CFAP251: variants seen among roughly 807,000 people sequenced by gnomAD.
CFAP251 encodes cilia- and flagella-associated protein 251.
A neutral mutation model predicts 126.7 loss-of-function variants in CFAP251; 93 were observed. The observed-to-expected ratio is 0.73, with a 90% confidence interval of 0.62 to 0.87. The LOEUF is 0.87. Ranked by LOEUF, CFAP251 falls within the 40% of genes least tolerant of loss-of-function variation. CFAP251 has a pLI of 0.00. For missense variants in CFAP251, 1,287 were observed against 1,389.2 expected, an observed-to-expected ratio of 0.93 and a Z score of 1.17; for synonymous variants, 503 against 506.9, an observed-to-expected ratio of 0.99 and a Z score of 0.10.
Position 121,999,959 on chromosome 12 carries a change from C to A in CFAP251, c.3235+15C>A, listed in dbSNP as rs201040230. ...CGTTACTAAAGGTAAGCACATACATCAGGATGTCTGGTAACATCCTGGGGC... is the reference window on the plus strand; with the variant it reads ...CGTTACTAAAGGTAAGCACATACATAAGGATGTCTGGTAACATCCTGGGGC... On this transcript the variant is annotated intron_variant, in intron 20 of 21. Coordinates refer to ENST00000288912, the MANE Select transcript of CFAP251 (RefSeq NM_144668.6). 6.3e-7 allele frequency: 1 copy of A among 1,594,636 alleles called. No homozygotes were observed. Among genetic ancestry groups the A allele is most frequent in the East Asian group, 2.3e-5 (1 of 44,392 alleles).
intron 8 of CFAP251, chr12:121,949,366 A>G (rs577010809): frequency 8.4e-4 from 140 of 166,136 alleles, no homozygotes; most frequent in Non-Finnish European, 1.6e-3. Context: ...AGGTCTCACT[A>G]TGTTGCCCAG....
intron 19 of CFAP251, among the ~76,000 whole-genome samples, chr12:121,981,584 T>C (rs1158704009): frequency 6.6e-6 from 1 of 152,216 alleles, no homozygotes; most frequent in African/African-American, 2.4e-5. Flanking sequence ...CAAGGAGGCC[T>C]TTCAAACCCA....
intron 17 of CFAP251, among the ~76,000 whole-genome samples, chr12:121,968,666 C>A (rs1882233678): frequency 6.6e-6 from 1 of 152,076 alleles, no homozygotes. Context: ...ATGGGCCCAC[C>A]CTCTACTGGC....
chr12:121,926,516 T>TG (rs1407940522), intron 3 of CFAP251, among the ~76,000 whole-genome samples: 6 of 151,954 alleles, frequency 3.9e-5, no homozygotes, highest in Non-Finnish European at 8.8e-5. Flanking sequence ...TTTTTAGAGA[T>TG]GGGGTCTCAC....
At chr12:122,001,886 A>G in intron 21 of CFAP251, 1 of 427,286 alleles carries the variant, frequency 2.3e-6, no homozygotes. Context: ...CCACCCGTAG[A>G]GGATCCAGTT....
At chr12:121,965,315 C>T (rs977603574) in intron 15 of CFAP251, among the ~76,000 whole-genome samples, 3 of 152,096 alleles carry the variant, frequency 2.0e-5, no homozygotes, top group Non-Finnish European at 4.4e-5. Flanking sequence ...GCTAGGAAAA[C>T]GGGCACTCTC....
chr12:121,935,542 G>A (rs1409204745), intron 5 of CFAP251, among the ~76,000 whole-genome samples: 2 of 152,220 alleles, frequency 1.3e-5, no homozygotes, highest in African/African-American at 4.8e-5. Context: ...GACTTTCCTT[G>A]TTTTTGATGA....
chr12:121,951,142 A>T (rs565758543), intron 8 of CFAP251: 14 of 168,888 alleles, frequency 8.3e-5, no homozygotes, highest in Admixed American at 5.5e-4. Context: ...AATTGCTTGA[A>T]CCCAGGAGGC....
At position 121,975,696 on chromosome 12, in the gene CFAP251, C is replaced by T. The variant is rs543914226; in HGVS notation, c.3006+11C>T. On this transcript the variant is annotated intron_variant, in intron 19 of 21. Transcript: ENST00000288912. ...CCATCTGAAGAGAAGGTAGGGAGAA[C>T]GAAAACAAGAGCAGCAACGGGATGT... 158 of 1,547,624 alleles carry T rather than the reference C, an allele frequency of 1.0e-4. No individual in the cohort carries two copies. In the South Asian group the frequency reaches 1.6e-3, roughly 16 times the overall value.
At chr12:122,002,576 G>A (rs1252770325) in intron 21 of CFAP251, among the ~76,000 whole-genome samples, 7 of 152,046 alleles carry the variant, frequency 4.6e-5, no homozygotes, top group Non-Finnish European at 1.0e-4. Context: ...AAGATTTGGA[G>A]AAGGAGAGAG....
intron 14 of CFAP251, among the ~76,000 whole-genome samples, chr12:121,961,237 T>TCCTC (rs777992498): frequency 3.6e-4 from 54 of 151,742 alleles, no homozygotes; most frequent in African/African-American, 1.2e-3. Flanking sequence ...TGTTTTTCCT[T>TCCTC]CCTCCCTCCC....
intron 3 of CFAP251, among the ~76,000 whole-genome samples, chr12:121,926,358 A>G (rs1410960875): frequency 6.9e-6 from 1 of 145,956 alleles, no homozygotes; most frequent in Non-Finnish European, 1.5e-5. Flanking sequence ...ACAGGCTCTC[A>G]CTCTATCACC....
At chr12:121,923,503 A>G in intron 2 of CFAP251, 119 bp from the exon 3 acceptor site, 1 of 1,347,250 alleles carries the variant, frequency 7.4e-7, no homozygotes, top group Non-Finnish European at 1.0e-6. Context: ...TCTTTTAAAA[A>G]ACATTTCATA....
intron 19 of CFAP251, among the ~76,000 whole-genome samples, chr12:121,993,829 C>G (rs1455214289): frequency 6.5e-5 from 9 of 137,912 alleles, no homozygotes; most frequent in African/African-American, 2.4e-4. Flanking sequence ...CCAGCCGCCC[C>G]GTCCGGGAGG....
In CFAP251 at chr12:121,968,218, C is replaced by T. The variant is rs760266041; in HGVS notation, c.2771+49C>T. Reference sequence around the variant, plus strand: ...GGTATCAAGTGTAAACTCCTTTTCACTCAGCAACAGTGATAGACACTGAAC... The same window carrying T: ...GGTATCAAGTGTAAACTCCTTTTCATTCAGCAACAGTGATAGACACTGAAC... On this transcript the variant is annotated intron_variant, in intron 17 of 21. Transcript: ENST00000288912. 149 of 1,543,700 alleles carry T rather than the reference C, an allele frequency of 9.7e-5. 1 individual carries two copies. In the East Asian group the frequency reaches 3.3e-3, roughly 34 times the overall value.
At chr12:121,954,061 A>T in intron 9 of CFAP251, 59 bp from the exon 10 acceptor site, 22 of 1,419,474 alleles carry the variant, frequency 1.5e-5, no homozygotes, top group Non-Finnish European at 2.2e-5. Flanking sequence ...TATCGTATTG[A>T]TAAATGCTTT....
At chr12:121,967,554 G>T (rs1037165341) in intron 16 of CFAP251, among the ~76,000 whole-genome samples, 6 of 152,132 alleles carry the variant, frequency 3.9e-5, no homozygotes, top group Middle Eastern at 3.4e-3. Context: ...TACAAAAAAT[G>T]AGCCGGGCGT....
intron 19 of CFAP251, among the ~76,000 whole-genome samples, chr12:121,993,136 C>A (rs1416989041): frequency 6.9e-6 from 1 of 144,310 alleles, no homozygotes; most frequent in Non-Finnish European, 1.5e-5. Context: ...CGCCGCCACG[C>A]CTGACTGGTT....
In CFAP251 at chr12:121,949,075, T is replaced by G. The variant is rs760787473; in HGVS notation, c.1269+14T>G. The stretch of plus-strand genomic sequence containing the variant: ...TATTATGCATGGGTAAGCAGAAATA[T>G]TTTGATTTGTTTTAAATGTGGGTAG... On this transcript the variant is annotated intron_variant, in intron 8 of 21. Coordinates refer to ENST00000288912, the MANE Select transcript of CFAP251 (RefSeq NM_144668.6). The G allele has an allele frequency of 6.6e-7, 1 of 1,525,736 alleles. No individual in the cohort carries two copies. Among genetic ancestry groups the G allele is most frequent in the Non-Finnish European group, 8.9e-7 (1 of 1,120,360 alleles). 94.5% of individuals were successfully genotyped at this position (1,525,736 alleles called of 1,614,324 possible).
Sources: allele counts gnomAD v4.1 joint callset (sites outside exome capture counted in the v4.1 genomes callset), GRCh38; gene constraint gnomAD v4.1.1; transcripts MANE v1.5; gene names NCBI Gene and HGNC (gene_info 2026-07-23, HGNC 2026-07-21).